Variants in NFILZ observed in about 807,000 individuals in gnomAD.
NFILZ encodes the protein NFIL3 like protein.
chr19:8,661,764 C>T (rs914544698), intron 3 of NFILZ, among the ~76,000 whole-genome samples: 2 of 152,014 alleles, frequency 1.3e-5, no homozygotes, highest in Admixed American at 6.6e-5. Context: ...TGGTGGCGTG[C>T]GTCTGTAATC....
chr19:8,639,323 C>A (rs954682422), intron 3 of NFILZ, among the ~76,000 whole-genome samples: 1 of 151,960 alleles, frequency 6.6e-6, no homozygotes, highest in African/African-American at 2.4e-5. Context: ...ACACCTGTAA[C>A]CCCAGCACTT....
chr19:8,653,814 T>G (rs2042979955), intron 3 of NFILZ, among the ~76,000 whole-genome samples: 1 of 152,110 alleles, frequency 6.6e-6, no homozygotes, highest in Non-Finnish European at 1.5e-5. Context: ...TTCAGGCCCT[T>G]GGGGTGGGAA....
chr19:8,679,391 C>T lies in NFILZ; in HGVS notation c.*1756C>T, dbSNP rs1272228738. Among the ~76,000 whole-genome samples the T allele has an allele frequency of 6.6e-6, 1 of 152,076 alleles. No homozygotes were observed. The highest frequency in any genetic ancestry group is 1.9e-4 in the East Asian group (1 of 5,182). ...TCATGGGATGGGGGGCTCATCTGGA[C>T]TGGTACTGACACTGAGAACCAGATG... On this transcript the variant is annotated 3_prime_UTR_variant, in exon 6 of 6. Transcript: ENST00000691075.
In NFILZ at chr19:8,672,072, A is replaced by G. The variant is rs1555750317; in HGVS notation, c.-163-2479A>G. On this transcript the variant is annotated intron_variant, in intron 3 of 5. Transcript: ENST00000691075. ...TCATTCATTCATTTACCCACGCTTC[A>G]CTCAATTTTAATTTATTCAAATATC... is the stretch of plus-strand genomic sequence containing the variant. Among the ~76,000 whole-genome samples, 4 of 152,034 alleles carry G rather than the reference A, an allele frequency of 2.6e-5. No individual in the cohort carries two copies. The South Asian group carries it at 6.2e-4, about 24-fold the overall frequency.
rs1302311599 is a variant in NFILZ, at chr19:8,652,993, TTCC to T, written c.-164+17249_-164+17251del. The stretch of plus-strand genomic sequence containing the variant: ...CCTCCTTCCTTCCTTCCTTCCTTCC[TTCC>T]TTCCTTCCTTCCTTCCTTTCTTTCT... On this transcript the variant is annotated intron_variant, in intron 3 of 5. Coordinates refer to ENST00000691075, the MANE Select transcript of NFILZ (RefSeq NM_001378600.1). Among the ~76,000 whole-genome samples the T allele has an allele frequency of 8.3e-3, 346 of 41,476 alleles. 3 individuals carry two copies. Among genetic ancestry groups the T allele is most frequent in the African/African-American group, 0.038 (336 of 8,738 alleles). 27.2% of individuals were successfully genotyped at this position (41,476 alleles called of 152,430 possible). A position where few individuals can be genotyped will look rare whatever the true frequency, so the allele number is the denominator to read the frequency against.
rs560522791 is a variant in NFILZ, at chr19:8,672,272, CA to C, written c.-163-2271del. On this transcript the variant is annotated intron_variant, in intron 3 of 5. Transcript: ENST00000691075. ...TAATCCAGGCATTTATTAGTTTATT[CA>C]AAAAAAATCCATGCACTTATTAGTT... is the stretch of plus-strand genomic sequence containing the variant. Among the ~76,000 whole-genome samples the C allele has an allele frequency of 6.2e-4, 94 of 150,748 alleles. 1 individual carries two copies. Among genetic ancestry groups the C allele is most frequent in the South Asian group, 2.1e-4 (1 of 4,762 alleles).
intron 3 of NFILZ, among the ~76,000 whole-genome samples, chr19:8,663,772 A>ATGTGTGTGTGTGTGTGTGTG: frequency 1.3e-5 from 1 of 77,024 alleles, no homozygotes. Flanking sequence ...GTGTGTGTGT[A>ATGTGTGTGTGTGTGTGTGTG]TGTATGTGTG....
intron 3 of NFILZ, among the ~76,000 whole-genome samples, chr19:8,653,045 T>TCCCTCTCTCTCTCC (rs1396359598): frequency 3.0e-5 from 2 of 66,736 alleles, no homozygotes; most frequent in Non-Finnish European, 6.0e-5. Flanking sequence ...TCTTTCTCTC[T>TCCCTCTCTCTCTCC]CTCTCTCTCT....
At chr19:8,652,196 A>G (rs58996428) in intron 3 of NFILZ, among the ~76,000 whole-genome samples, 146,528 of 151,640 alleles carry the variant, frequency 0.97, 70,952 homozygotes, top group Non-Finnish European at 1. Context: ...TCCGCTTCCC[A>G]GGTTCACGCC....
intron 2 of NFILZ, among the ~76,000 whole-genome samples, chr19:8,633,754 G>A (rs1412964177): frequency 6.6e-6 from 1 of 152,178 alleles, no homozygotes; most frequent in East Asian, 1.9e-4. Flanking sequence ...CTGGTCAAGG[G>A]AGCAGGGTCC....
chr19:8,647,831 ACACAC>A (rs1555747322), intron 3 of NFILZ, among the ~76,000 whole-genome samples: 1 of 139,604 alleles, frequency 7.2e-6, no homozygotes, highest in African/African-American at 2.6e-5. Flanking sequence ...ACACACACAC[ACACAC>A]AACTGGGGCC....
chr19:8,632,423 A>T lies in NFILZ; in HGVS notation c.-410-53A>T, dbSNP rs557406159. 3.3e-5 allele frequency: 5 copies of T among 152,178 alleles called. 1 individual carries two copies. In the South Asian group the frequency reaches 1.0e-3, roughly 32 times the overall value. 9.4% of individuals were successfully genotyped at this position (152,178 alleles called of 1,614,324 possible). On this transcript the variant is annotated intron_variant, in intron 1 of 5. Coordinates refer to ENST00000691075, the MANE Select transcript of NFILZ (RefSeq NM_001378600.1). ...ATTCTAAGCCACAGGATGAGAGGGG[A>T]GTTTGGCACAAGATACAGGTCATAA...
At chr19:8,663,722 T>TTGTGTGTGTGTGTGTATGTGTGTG (rs1568423333) in intron 3 of NFILZ, among the ~76,000 whole-genome samples, 6 of 10,800 alleles carry the variant, frequency 5.6e-4, no homozygotes, top group African/African-American at 1.9e-3. Context: ...GTGTGTGTGT[T>TTGTGTGTGTGTGTGTATGTGTGTG]TGTGTGTGTG....
rs1324056289 is a variant in NFILZ, at chr19:8,677,701, A to T, written c.*66A>T. The T allele has an allele frequency of 6.6e-6, 1 of 152,174 alleles. No homozygotes were observed. The highest frequency in any genetic ancestry group is 1.5e-5 in the Non-Finnish European group (1 of 68,094). The allele number at this position is 152,174 out of a possible 1,614,324, so 9.4% of individuals were successfully genotyped here. A position where few individuals can be genotyped will look rare whatever the true frequency, so the allele number is the denominator to read the frequency against. ...TGGGGGCGGAATATAGGTTTGTCTG[A>T]GGGATGAGTAGCTTGGTCTTGATCA... On this transcript the variant is annotated 3_prime_UTR_variant, in exon 6 of 6. Coordinates refer to ENST00000691075, the MANE Select transcript of NFILZ (RefSeq NM_001378600.1).
At chr19:8,671,457 C>A (rs2043086722) in intron 3 of NFILZ, among the ~76,000 whole-genome samples, 1 of 152,014 alleles carries the variant, frequency 6.6e-6, no homozygotes, top group African/African-American at 2.4e-5. Flanking sequence ...GGACTCAGAC[C>A]ACAGTGATAA....
At chr19:8,652,995 C>T (rs1329239696) in intron 3 of NFILZ, among the ~76,000 whole-genome samples, 11,537 of 38,546 alleles carry the variant, frequency 0.3, 1,838 homozygotes, top group Middle Eastern at 0.34. Flanking sequence ...TTCCTTCCTT[C>T]CTTCCTTCCT....
chr19:8,663,776 A>ATGTGTGTGTGTGTGTGTG (rs2043048762), intron 3 of NFILZ, among the ~76,000 whole-genome samples: 3 of 27,396 alleles, frequency 1.1e-4, no homozygotes, highest in Non-Finnish European at 2.3e-4. Flanking sequence ...GTGTGTATGT[A>ATGTGTGTGTGTGTGTGTG]TGTGTGTTTG....
At chr19:8,663,105 GC>G (rs1390036139) in intron 3 of NFILZ, among the ~76,000 whole-genome samples, 1 of 151,896 alleles carries the variant, frequency 6.6e-6, no homozygotes, top group African/African-American at 2.4e-5. Flanking sequence ...GTGTCACCAT[GC>G]CTGGGTTTTG....
At chr19:8,669,078 G>C (rs1039948519) in intron 3 of NFILZ, among the ~76,000 whole-genome samples, 2 of 152,072 alleles carry the variant, frequency 1.3e-5, no homozygotes, top group Non-Finnish European at 2.9e-5. Context: ...CGAGTAGCTG[G>C]GACTACAGGC....
Sources: allele counts gnomAD v4.1 joint callset (sites outside exome capture counted in the v4.1 genomes callset), GRCh38; gene constraint gnomAD v4.1.1; transcripts MANE v1.5; gene names NCBI Gene and HGNC (gene_info 2026-07-23, HGNC 2026-07-21).